The following GREM2 variants were observed in gnomAD, a reference collection of about 807,000 sequenced individuals.
The protein encoded by GREM2 is gremlin 2, DAN family BMP antagonist.
Under a neutral mutation model 14.2 loss-of-function variants are expected in GREM2, and 11 were observed. The observed-to-expected ratio is 0.78, with a 90% CI of 0.49 to 1.28. The LOEUF (loss-of-function observed/expected upper bound fraction) is 1.28, where lower values mean the gene tolerates loss of function less well. GREM2 is among the 50% of genes most tolerant of loss of function. The probability of loss-of-function intolerance (pLI) is 0.00; values close to 1 mark genes in which losing one functional copy is unlikely to be tolerated. For missense variants in GREM2, 210 were observed against 218.5 expected (o/e 0.96, Z 0.24); for synonymous variants, 98 against 97.6 (o/e 1.00, Z -0.02).
At chr1:240,596,243 A>G (rs900731466) in intron 1 of GREM2, among the ~76,000 whole-genome samples, 2 of 152,198 alleles carry the variant, frequency 1.3e-5, no homozygotes, top group African/African-American at 2.4e-5. Flanking sequence ...ATCACATATA[A>G]TAAGTGTTAT....
At chr1:240,570,078 A>G (rs1679231393) in intron 1 of GREM2, among the ~76,000 whole-genome samples, 1 of 152,218 alleles carries the variant, frequency 6.6e-6, no homozygotes, top group Non-Finnish European at 1.5e-5. Context: ...AGTGGTTGAT[A>G]TATAAACAGA....
chr1:240,551,547 C>T (rs571874619), intron 1 of GREM2, among the ~76,000 whole-genome samples: 62 of 151,932 alleles, frequency 4.1e-4, no homozygotes, highest in African/African-American at 1.4e-3. Context: ...CGGGGTTTCA[C>T]ATGTTGGCCA....
chr1:240,603,128 C>A (rs911760590), intron 1 of GREM2, among the ~76,000 whole-genome samples: 2 of 152,044 alleles, frequency 1.3e-5, no homozygotes, highest in African/African-American at 4.8e-5. Context: ...GAATGCGGTG[C>A]GGTGCGGAGC....
chr1:240,495,771 C>A (rs9428845), intron 1 of GREM2, among the ~76,000 whole-genome samples: 9,006 of 152,192 alleles, frequency 0.059, 284 homozygotes, highest in Middle Eastern at 0.11. Flanking sequence ...AAAATTATTT[C>A]TCTGAGTCTT....
intron 1 of GREM2, among the ~76,000 whole-genome samples, chr1:240,587,295 T>C (rs1485426640): frequency 6.6e-6 from 1 of 151,814 alleles, no homozygotes; most frequent in Non-Finnish European, 1.5e-5. Context: ...GCATTTTCAC[T>C]TTCTTTTCTT....
At chr1:240,574,026 T>C (rs1679309829) in intron 1 of GREM2, among the ~76,000 whole-genome samples, 2 of 152,128 alleles carry the variant, frequency 1.3e-5, no homozygotes, top group Admixed American at 6.5e-5. Flanking sequence ...TTCAGGTGAT[T>C]CTCCTTGCCT....
intron 1 of GREM2, among the ~76,000 whole-genome samples, chr1:240,602,672 C>T (rs987154429): frequency 4.7e-5 from 7 of 149,768 alleles, no homozygotes; most frequent in African/African-American, 9.9e-5. Context: ...AAAAATTAGC[C>T]GGGCATGGTG....
chr1:240,542,416 C>G lies in GREM2; in HGVS notation c.-1-48940G>C, dbSNP rs549651469. On this transcript the variant is annotated intron_variant, in intron 1 of 1. Coordinates refer to ENST00000318160, the MANE Select transcript of GREM2 (RefSeq NM_022469.4). This position sits in a 1 kb window ranked among gnomAD's most constrained non-coding sequence, Gnocchi z 4.1. ...GGCCAGGAGTTCGAGACCAGCCTGG[C>G]CAACATGGCGAAACCCCCATCTCTA... Among the ~76,000 whole-genome samples, 1 of 148,056 alleles carries G rather than the reference C, an allele frequency of 6.8e-6. No homozygotes were observed. The highest frequency in any genetic ancestry group is 2.5e-5 in the African/African-American group (1 of 39,906).
intron 1 of GREM2, among the ~76,000 whole-genome samples, chr1:240,573,407 T>C (rs1032872042): frequency 3.3e-5 from 5 of 152,210 alleles, no homozygotes; most frequent in Non-Finnish European, 7.3e-5. Flanking sequence ...TATATAGAAC[T>C]CTACACAGCA....
chr1:240,528,761 T>A (rs1678283136), intron 1 of GREM2, among the ~76,000 whole-genome samples: 1 of 152,168 alleles, frequency 6.6e-6, no homozygotes. Context: ...AGGGAAATGA[T>A]GAACAGCCTG....
intron 1 of GREM2, among the ~76,000 whole-genome samples, chr1:240,601,756 A>G (rs145355347): frequency 0.02 from 3,110 of 152,048 alleles, 106 homozygotes; most frequent in African/African-American, 0.072. Flanking sequence ...AAAATACAAA[A>G]ATTAGCCAGG....
chr1:240,578,733 A>G (rs2103374231), intron 1 of GREM2, among the ~76,000 whole-genome samples: 1 of 152,064 alleles, frequency 6.6e-6, no homozygotes, highest in South Asian at 2.1e-4. Flanking sequence ...GCAGTGAGCC[A>G]AGATCACGCC....
At chr1:240,539,336 T>A (rs1488797297) in intron 1 of GREM2, among the ~76,000 whole-genome samples, 2 of 152,186 alleles carry the variant, frequency 1.3e-5, no homozygotes, top group Non-Finnish European at 2.9e-5. Flanking sequence ...TTTTATCCCC[T>A]ACTCAGGATC....
intron 1 of GREM2, among the ~76,000 whole-genome samples, chr1:240,574,962 C>G (rs577331722): frequency 1.1e-4 from 16 of 152,048 alleles, no homozygotes; most frequent in African/African-American, 3.9e-4. Context: ...TAAAAATTAG[C>G]TGGGCGTGTT....
At chr1:240,562,980 ATGTAAGTG>A (rs1558164112) in intron 1 of GREM2, among the ~76,000 whole-genome samples, 1 of 110,882 alleles carries the variant, frequency 9.0e-6, no homozygotes, top group Non-Finnish European at 1.9e-5. Context: ...ATGTGTGTAT[ATGTAAGTG>A]TGTATGTGTG....
At chr1:240,557,949 C>A (rs1678980665) in intron 1 of GREM2, among the ~76,000 whole-genome samples, 1 of 152,056 alleles carries the variant, frequency 6.6e-6, no homozygotes, top group Non-Finnish European at 1.5e-5. Flanking sequence ...AATTACTAAT[C>A]TAGAGAAAAC....
intron 1 of GREM2, among the ~76,000 whole-genome samples, chr1:240,557,946 A>T (rs55752122): frequency 0.11 from 16,176 of 152,224 alleles, 955 homozygotes; most frequent in African/African-American, 0.14. Flanking sequence ...GAAAATTACT[A>T]ATCTAGAGAA....
intron 1 of GREM2, among the ~76,000 whole-genome samples, chr1:240,585,289 G>T (rs570066088): frequency 3.1e-4 from 47 of 152,188 alleles, no homozygotes; most frequent in Admixed American, 1.8e-3. Context: ...CCACCATAGG[G>T]CCCTGTGAGG....
intron 1 of GREM2, among the ~76,000 whole-genome samples, chr1:240,572,484 A>T (rs16840393): frequency 0.011 from 1,600 of 152,346 alleles, 31 homozygotes; most frequent in African/African-American, 0.037. Flanking sequence ...TACTTTAGAG[A>T]GTACGAAGTC....
Sources: allele counts gnomAD v4.1 joint callset (sites outside exome capture counted in the v4.1 genomes callset), GRCh38; gene constraint gnomAD v4.1.1; non-coding constraint Gnocchi (gnomAD v3.1); transcripts MANE v1.5; gene names NCBI Gene and HGNC (gene_info 2026-07-23, HGNC 2026-07-21).